Variants in MIR2052HG observed in about 807,000 individuals in gnomAD.
MIR2052HG encodes the protein MIR2052 host gene.
At chr8:74,665,466 G>A (rs73687199) in intron 2 of MIR2052HG, among the ~76,000 whole-genome samples, 2,753 of 151,956 alleles carry the variant, frequency 0.018, 83 homozygotes, top group African/African-American at 0.064. Context: ...CTCTTTTTCC[G>A]AAGGTCACCA....
In MIR2052HG at chr8:74,619,575, C is replaced by T. The variant is rs147810635; in HGVS notation, n.216+6635C>T. On this transcript the variant is annotated intron_variant and non_coding_transcript_variant, in intron 2 of 6. Transcript: ENST00000523442. ...GTGGAAGGCAAAGGAGAAGCAGGCA[C>T]ATTCTTCACAGGGTGGCAGGATGGA... 4.5e-3 allele frequency among the ~76,000 whole-genome samples: 686 copies of T among 152,264 alleles called. 4 individuals carry two copies. Among genetic ancestry groups the T allele is most frequent in the African/African-American group, 0.014 (602 of 41,548 alleles).
At position 74,602,346 on chromosome 8, in the gene MIR2052HG, T is replaced by C. The variant is rs371726000; in HGVS notation, n.128+2438T>C. On this transcript the variant is annotated intron_variant and non_coding_transcript_variant, in intron 1 of 6. Transcript: ENST00000523442. Reference sequence around the variant, plus strand: ...GGCAAGGTATGGAAGTTACCCTATATGGTCTAAAAAGGGAAGGAACCATCA... The same window carrying C: ...GGCAAGGTATGGAAGTTACCCTATACGGTCTAAAAAGGGAAGGAACCATCA... 1.5e-4 allele frequency among the ~76,000 whole-genome samples: 23 copies of C among 152,292 alleles called. No homozygotes were observed. The East Asian group carries it at 3.7e-3, about 24-fold the overall frequency.
At chr8:74,672,840 A>G (rs938629782) in intron 2 of MIR2052HG, among the ~76,000 whole-genome samples, 4 of 152,116 alleles carry the variant, frequency 2.6e-5, no homozygotes, top group Non-Finnish European at 5.9e-5. Context: ...TCTTCAAAGT[A>G]TAATTGTAGG....
At chr8:74,602,572 C>G (rs192480541) in intron 1 of MIR2052HG, among the ~76,000 whole-genome samples, 136 of 150,280 alleles carry the variant, frequency 9.0e-4, no homozygotes, top group Non-Finnish European at 1.4e-3. Flanking sequence ...AGTGCAGTGG[C>G]GCGATCTCGG....
At chr8:74,738,600 T>G (rs1355065966) in intron 4 of MIR2052HG, among the ~76,000 whole-genome samples, 1 of 152,226 alleles carries the variant, frequency 6.6e-6, no homozygotes, top group Non-Finnish European at 1.5e-5. Context: ...ATATTATTTA[T>G]CTACTATGTT....
chr8:74,692,734 C>T (rs1809251808), intron 2 of MIR2052HG, among the ~76,000 whole-genome samples: 1 of 152,130 alleles, frequency 6.6e-6, no homozygotes, highest in African/African-American at 2.4e-5. Flanking sequence ...ATAACGCTTG[C>T]CTAAGGCATT....
chr8:74,695,984 T>G (rs1427219078), intron 2 of MIR2052HG, among the ~76,000 whole-genome samples: 2 of 152,086 alleles, frequency 1.3e-5, no homozygotes, highest in African/African-American at 2.4e-5. Context: ...TTAACAGATA[T>G]TTACAGAATG....
intron 2 of MIR2052HG, among the ~76,000 whole-genome samples, chr8:74,650,925 G>A (rs1808744784): frequency 6.6e-6 from 1 of 152,160 alleles, no homozygotes; most frequent in Non-Finnish European, 1.5e-5. Context: ...ATTAAAGTGT[G>A]TTGGTTTCAG....
At chr8:74,623,162 A>G (rs1808387636) in intron 2 of MIR2052HG, among the ~76,000 whole-genome samples, 5 of 152,248 alleles carry the variant, frequency 3.3e-5, no homozygotes, top group African/African-American at 1.2e-4. Context: ...CACAAAAAAG[A>G]TAAGAATGGT....
At chr8:74,719,710 TC>T (rs1363546254) in intron 4 of MIR2052HG, among the ~76,000 whole-genome samples, 10 of 152,166 alleles carry the variant, frequency 6.6e-5, no homozygotes, top group Admixed American at 2.6e-4. Flanking sequence ...ATTCTTCATC[TC>T]CTTTTGGTCT....
chr8:74,752,153 C>T (rs1809953450), intron 4 of MIR2052HG, among the ~76,000 whole-genome samples: 2 of 151,656 alleles, frequency 1.3e-5, no homozygotes, highest in Non-Finnish European at 2.9e-5. Flanking sequence ...ATGGTGGCCT[C>T]TGCCTATAGA....
intron 4 of MIR2052HG, among the ~76,000 whole-genome samples, chr8:74,744,556 A>G (rs926736317): frequency 6.6e-5 from 10 of 151,108 alleles, no homozygotes; most frequent in African/African-American, 2.0e-4. Flanking sequence ...ATTCCCACCT[A>G]TGAGTGAGAA....
chr8:74,606,723 C>A (rs1414499181), intron 1 of MIR2052HG, among the ~76,000 whole-genome samples: 3 of 152,076 alleles, frequency 2.0e-5, no homozygotes, highest in Non-Finnish European at 2.9e-5. Context: ...GGAAAAATAA[C>A]CAGTAGGTAC....
At chr8:74,727,959 G>A (rs2128754570) in intron 4 of MIR2052HG, among the ~76,000 whole-genome samples, 1 of 150,824 alleles carries the variant, frequency 6.6e-6, no homozygotes, top group African/African-American at 2.5e-5. Context: ...TCACAGTCAT[G>A]CCTATGTAAA....
At chr8:74,684,021 G>A (rs973126859) in intron 2 of MIR2052HG, among the ~76,000 whole-genome samples, 2 of 152,030 alleles carry the variant, frequency 1.3e-5, no homozygotes, top group African/African-American at 4.8e-5. Flanking sequence ...CAGAAAATCA[G>A]TTATTCCCAA....
intron 2 of MIR2052HG, among the ~76,000 whole-genome samples, chr8:74,700,041 C>A (rs1809342798): frequency 6.6e-6 from 1 of 152,074 alleles, no homozygotes; most frequent in African/African-American, 2.4e-5. Context: ...ATTCTTCTAA[C>A]AATGCTATGA....
intron 1 of MIR2052HG, among the ~76,000 whole-genome samples, chr8:74,601,695 T>A (rs1808003442): frequency 6.6e-6 from 1 of 152,236 alleles, no homozygotes; most frequent in South Asian, 2.1e-4. Context: ...TCAGTATTAC[T>A]ATTTTTTGTA....
At chr8:74,712,440 T>C (rs1401515978) in intron 4 of MIR2052HG, among the ~76,000 whole-genome samples, 4 of 152,080 alleles carry the variant, frequency 2.6e-5, no homozygotes, top group African/African-American at 9.7e-5. Context: ...TTACATGAAA[T>C]CATAACATTT....
At chr8:74,679,410 C>T (rs567148444) in intron 2 of MIR2052HG, among the ~76,000 whole-genome samples, 10 of 152,114 alleles carry the variant, frequency 6.6e-5, no homozygotes, top group Middle Eastern at 3.4e-3. Context: ...CAGGTGGCTA[C>T]GAGTGCCATT....
Sources: allele counts gnomAD v4.1 joint callset (sites outside exome capture counted in the v4.1 genomes callset), GRCh38; gene constraint gnomAD v4.1.1; transcripts MANE v1.5; gene names NCBI Gene and HGNC (gene_info 2026-07-23, HGNC 2026-07-21).